The following SORCS3 variants were observed in gnomAD, a reference collection of about 807,000 sequenced individuals.
SORCS3 encodes VPS10 domain-containing receptor SorCS3.
Under a neutral mutation model 146.3 loss-of-function variants are expected in SORCS3, and 57 were observed. The ratio of observed to expected loss-of-function variants is 0.39; its 90% CI spans 0.31 to 0.49. The LOEUF is 0.49. Ranked by LOEUF, SORCS3 falls within the 20% of genes least tolerant of loss-of-function variation. The pLI is 0.92. For synonymous variants in SORCS3, 653 were observed against 618.5 expected, an observed-to-expected ratio of 1.06 and a Z score of -0.83; for missense variants, 1,341 against 1,575.5, an observed-to-expected ratio of 0.85 and a Z score of 2.52.
Position 105,048,064 on chromosome 10 carries a change from G to A in SORCS3, c.1028+4936G>A, listed in dbSNP as rs150903766. 4.2e-4 allele frequency among the ~76,000 whole-genome samples: 64 copies of A among 152,046 alleles called. No individual in the cohort carries two copies. In the East Asian group the frequency reaches 0.011, roughly 27 times the overall value. ...TGCTAGAGAGGATGTGGAGAAATAG[G>A]AACACTTTTACACTGTTGGTGGGAC... On this transcript the variant is annotated intron_variant, in intron 5 of 26. Coordinates refer to ENST00000369701, the MANE Select transcript of SORCS3 (RefSeq NM_014978.3).
intron 6 of SORCS3, among the ~76,000 whole-genome samples, chr10:105,101,736 G>A (rs1016333130): frequency 1.3e-5 from 2 of 152,156 alleles, no homozygotes; most frequent in African/African-American, 2.4e-5. Context: ...AATAGCCAGA[G>A]GGAAATGAAC....
intron 7 of SORCS3, among the ~76,000 whole-genome samples, chr10:105,131,816 A>G (rs949215863): frequency 5.3e-5 from 8 of 152,062 alleles, no homozygotes; most frequent in African/African-American, 1.9e-4. Context: ...CTTTTAAACA[A>G]CCAGATATCA....
intron 1 of SORCS3, among the ~76,000 whole-genome samples, chr10:104,803,179 A>G (rs530832581): frequency 1.4e-4 from 21 of 152,194 alleles, no homozygotes; most frequent in Non-Finnish European, 2.6e-4. Flanking sequence ...AAAAAGCAAA[A>G]CAAACAAAAA....
intron 4 of SORCS3, among the ~76,000 whole-genome samples, chr10:104,991,720 C>T (rs1034114015): frequency 2.0e-5 from 3 of 152,046 alleles, no homozygotes; most frequent in African/African-American, 2.4e-5. Flanking sequence ...AGGCTGGTCT[C>T]GAACTCCTGA....
intron 6 of SORCS3, among the ~76,000 whole-genome samples, chr10:105,104,924 A>G (rs2055810459): frequency 6.6e-6 from 1 of 152,178 alleles, no homozygotes; most frequent in Non-Finnish European, 1.5e-5. Flanking sequence ...TCATTAATTC[A>G]TGGGCATTGA....
At chr10:105,177,695 C>A (rs1349359145) in intron 13 of SORCS3, among the ~76,000 whole-genome samples, 1 of 152,044 alleles carries the variant, frequency 6.6e-6, no homozygotes, top group Non-Finnish European at 1.5e-5. Context: ...TTGGGTCCAC[C>A]AGCCTTACTC....
chr10:105,136,052 T>C (rs2056057149), intron 7 of SORCS3, among the ~76,000 whole-genome samples: 1 of 152,196 alleles, frequency 6.6e-6, no homozygotes, highest in Admixed American at 6.5e-5. Flanking sequence ...CATTACCTGG[T>C]TCCAAAACCA....
chr10:104,952,962 C>A (rs2019448784), intron 3 of SORCS3, among the ~76,000 whole-genome samples: 2 of 152,312 alleles, frequency 1.3e-5, no homozygotes, highest in South Asian at 2.1e-4. Context: ...ATGTTTTGAG[C>A]AAACAGGTAG....
intron 7 of SORCS3, among the ~76,000 whole-genome samples, chr10:105,128,752 A>G (rs1261208535): frequency 2.0e-5 from 3 of 152,170 alleles, no homozygotes; most frequent in Non-Finnish European, 4.4e-5. Flanking sequence ...GATCAACAGC[A>G]TAATTTGTCA....
intron 20 of SORCS3, among the ~76,000 whole-genome samples, chr10:105,242,294 A>G: frequency 7.4e-6 from 1 of 135,484 alleles, no homozygotes; most frequent in African/African-American, 2.8e-5. Flanking sequence ...GTTTATATAT[A>G]TATTTATACA....
chr10:104,831,483 G>T (rs183187220), intron 1 of SORCS3, among the ~76,000 whole-genome samples: 1 of 152,142 alleles, frequency 6.6e-6, no homozygotes, highest in Admixed American at 6.5e-5. Context: ...GGCCAGTTGC[G>T]ATTCCAAAGA....
chr10:105,227,327 T>C (rs2056739511), intron 20 of SORCS3, among the ~76,000 whole-genome samples: 1 of 152,116 alleles, frequency 6.6e-6, no homozygotes, highest in South Asian at 2.1e-4. Flanking sequence ...AAGCATATCA[T>C]TTAATTTCTA....
At chr10:104,684,210 C>T (rs1166251945) in intron 1 of SORCS3, among the ~76,000 whole-genome samples, 1 of 152,082 alleles carries the variant, frequency 6.6e-6, no homozygotes, top group African/African-American at 2.4e-5. Context: ...TCAGCTGTAA[C>T]CCAGGAAGCA....
At chr10:104,722,410 G>C (rs1290535152) in intron 1 of SORCS3, among the ~76,000 whole-genome samples, 1 of 152,142 alleles carries the variant, frequency 6.6e-6, no homozygotes. Context: ...TTGCATCGAT[G>C]TTCATCAGGG....
chr10:104,887,459 T>C (rs2018700769), intron 2 of SORCS3, among the ~76,000 whole-genome samples: 1 of 152,108 alleles, frequency 6.6e-6, no homozygotes, highest in Non-Finnish European at 1.5e-5. Flanking sequence ...TAGTTACTGA[T>C]ATGGAGGAAA....
chr10:104,997,579 G>A (rs1431993307), intron 4 of SORCS3, among the ~76,000 whole-genome samples: 1 of 152,124 alleles, frequency 6.6e-6, no homozygotes, highest in African/African-American at 2.4e-5. Context: ...GGTACATCAG[G>A]GATTGAGGGT....
chr10:104,677,471 T>C (rs955789268), intron 1 of SORCS3, among the ~76,000 whole-genome samples: 1 of 152,226 alleles, frequency 6.6e-6, no homozygotes, highest in African/African-American at 2.4e-5. Context: ...TGTTTTAATG[T>C]ATTCGGGATG....
At chr10:105,191,076 T>C (rs146891364) in intron 14 of SORCS3, among the ~76,000 whole-genome samples, 187 of 152,344 alleles carry the variant, frequency 1.2e-3, no homozygotes, top group Non-Finnish European at 2.2e-3. Context: ...AAGCACTTTA[T>C]TCTACAGCCA....
At chr10:104,939,532 C>T (rs1416132679) in intron 3 of SORCS3, among the ~76,000 whole-genome samples, 3 of 106,644 alleles carry the variant, frequency 2.8e-5, no homozygotes, top group African/African-American at 2.6e-4. Context: ...AAGAGAACGT[C>T]CAAATGGGTC....
Sources: gnomAD v4.1 joint callset for allele counts (sites outside exome capture counted in the v4.1 genomes callset) on GRCh38, gnomAD v4.1.1 for gene constraint, MANE v1.5 for transcripts, NCBI Gene and HGNC (gene_info 2026-07-23, HGNC 2026-07-21) for gene names.